KCNMA1: variants seen among roughly 807,000 people sequenced by gnomAD.
KCNMA1 encodes potassium calcium-activated channel subfamily M alpha 1, also known as Calcium-activated potassium channel subunit alpha-1.
In KCNMA1, 29 loss-of-function variants were observed where a neutral mutation model predicts 140.0. That is an observed-to-expected ratio of 0.21 (90% CI 0.15 to 0.28). The LOEUF (loss-of-function observed/expected upper bound fraction) is 0.28, where lower values mean the gene tolerates loss of function less well. Ranked by LOEUF, KCNMA1 falls within the 10% of genes least tolerant of loss-of-function variation. The pLI, the probability that KCNMA1 is intolerant of heterozygous loss-of-function variation, is 1.00. For missense variants in KCNMA1, 880 were observed against 1,602.2 expected (o/e 0.55, Z 7.70); for synonymous variants, 612 against 611.9 (o/e 1.00, Z 0.00).
At chr10:76,967,085 C>T (rs78784009) in intron 20 of KCNMA1, among the ~76,000 whole-genome samples, 313 of 152,290 alleles carry the variant, frequency 2.1e-3, no homozygotes, top group Non-Finnish European at 3.0e-3. Context: ...GGAGCCTTCA[C>T]GCAGGAGTCT....
chr10:77,112,381 C>T lies in KCNMA1; in HGVS notation c.946G>A (p.Gly316Arg), dbSNP rs775936663. 2 of 1,613,488 alleles carry T rather than the reference C, an allele frequency of 1.2e-6. No individual in the cohort carries two copies. Among genetic ancestry groups the T allele is most frequent in the Non-Finnish European group, 8.5e-7 (1 of 1,179,430 alleles). The change falls in exon 7 of 28, where the codon GGG (glycine) becomes AGG (arginine). Residue 316 changes from glycine to arginine, a missense_variant. Transcript: ENST00000286628. ...IFISTWLTAA[G>R]FIHLVENSGD... ...AGGTTACTCACCAAATGGATGAACC[C>T]GGCTGCAGTCAGCCACGTGCTGATA...
At chr10:77,273,098 T>C (rs912387834) in intron 2 of KCNMA1, among the ~76,000 whole-genome samples, 2 of 152,224 alleles carry the variant, frequency 1.3e-5, no homozygotes, top group Non-Finnish European at 2.9e-5. Flanking sequence ...CCTATAGCAC[T>C]TACTTTTTGT....
chr10:77,046,022 A>G (rs941982870), intron 14 of KCNMA1, among the ~76,000 whole-genome samples: 2 of 152,254 alleles, frequency 1.3e-5, no homozygotes, highest in African/African-American at 4.8e-5. Context: ...GAAATTATAA[A>G]AACCAATGAC....
chr10:77,179,851 G>A (rs1443307959), intron 5 of KCNMA1, among the ~76,000 whole-genome samples: 1 of 152,156 alleles, frequency 6.6e-6, no homozygotes, highest in East Asian at 1.9e-4. Context: ...GTCTGTGAGG[G>A]GCTTTCCAGA....
intron 1 of KCNMA1, among the ~76,000 whole-genome samples, chr10:77,633,577 C>T (rs932725650): frequency 3.3e-5 from 5 of 152,318 alleles, no homozygotes; most frequent in Admixed American, 1.3e-4. Context: ...TGATTGACTG[C>T]GTCAGGCCAG....
At chr10:77,229,129 C>A (rs546924340) in intron 3 of KCNMA1, among the ~76,000 whole-genome samples, 4 of 148,074 alleles carry the variant, frequency 2.7e-5, no homozygotes, top group Non-Finnish European at 5.9e-5. Flanking sequence ...ATGACTACTT[C>A]AAGTCCACCC....
intron 19 of KCNMA1, chr10:76,974,502 G>A (rs887771536): frequency 9.7e-6 from 15 of 1,547,028 alleles, no homozygotes; most frequent in Non-Finnish European, 1.3e-5. Flanking sequence ...TCGGTCACAA[G>A]CCGAGAATTG....
intron 1 of KCNMA1, among the ~76,000 whole-genome samples, chr10:77,529,463 C>T (rs1309599187): frequency 3.3e-5 from 5 of 152,222 alleles, no homozygotes; most frequent in African/African-American, 9.6e-5. Context: ...CCGGCACCTA[C>T]CCTTTGTCAA....
rs189672072 is a variant in KCNMA1, at chr10:77,599,628, C to T, written c.378+37637G>A. ...TCTGTCTTCAGATTAAGTAAGTTCC[C>T]ACTGCGCAGAGTTGACGATGTGTGA... On this transcript the variant is annotated intron_variant, in intron 1 of 27. Transcript: ENST00000286628. Among the ~76,000 whole-genome samples, 465 of 152,318 alleles carry T rather than the reference C, an allele frequency of 3.1e-3. 4 individuals are homozygous for T. The highest frequency in any genetic ancestry group is 5.1e-3 in the Admixed American group (78 of 15,300).
intron 2 of KCNMA1, among the ~76,000 whole-genome samples, chr10:77,298,952 T>G (rs1340817357): frequency 4.6e-5 from 7 of 152,208 alleles, no homozygotes; most frequent in African/African-American, 7.2e-5. Context: ...GAGCATCAGA[T>G]GGGCCTCTCT....
At chr10:76,906,540 T>C (rs888327398) in intron 25 of KCNMA1, among the ~76,000 whole-genome samples, 4 of 152,170 alleles carry the variant, frequency 2.6e-5, no homozygotes, top group Admixed American at 2.0e-4. Context: ...TGAAGGACAA[T>C]ATTCAGAGAA....
At chr10:77,503,672 C>T (rs970079675) in intron 1 of KCNMA1, among the ~76,000 whole-genome samples, 2 of 152,180 alleles carry the variant, frequency 1.3e-5, no homozygotes, top group Admixed American at 1.3e-4. Context: ...ACATACTAAG[C>T]ACCTGTTCCA....
At chr10:77,315,556 A>G (rs537278844) in intron 2 of KCNMA1, 5 of 152,312 alleles carry the variant, frequency 3.3e-5, no homozygotes, top group Non-Finnish European at 7.4e-5. Context: ...GTCTTTGGAG[A>G]ACCAACCTAA....
chr10:76,931,057 G>C lies in KCNMA1; in HGVS notation c.2902+13716C>G, dbSNP rs183748281. ...TGCCATTATAGGATGAATAAATTCT[G>C]GGGCTGTAATGTAAAGTGTGGTGAC... On this transcript the variant is annotated intron_variant, in intron 23 of 27. Transcript: ENST00000286628. 2.9e-3 allele frequency among the ~76,000 whole-genome samples: 444 copies of C among 152,226 alleles called. 4 individuals are homozygous for C. Among genetic ancestry groups the C allele is most frequent in the Non-Finnish European group, 4.0e-3 (273 of 68,002 alleles).
At chr10:77,148,019 T>G (rs1276209051) in intron 5 of KCNMA1, among the ~76,000 whole-genome samples, 2 of 151,964 alleles carry the variant, frequency 1.3e-5, no homozygotes, top group Non-Finnish European at 2.9e-5. Context: ...GCACAACATG[T>G]AAGGAGGTGC....
chr10:77,262,505 G>A (rs1284422823), intron 2 of KCNMA1, among the ~76,000 whole-genome samples: 2 of 152,058 alleles, frequency 1.3e-5, no homozygotes, highest in African/African-American at 4.8e-5. Flanking sequence ...TGGTTTGGAT[G>A]TCTTCCCTCC....
chr10:77,366,332 C>A (rs2094358907), intron 2 of KCNMA1, among the ~76,000 whole-genome samples: 1 of 152,096 alleles, frequency 6.6e-6, no homozygotes, highest in African/African-American at 2.4e-5. Flanking sequence ...CCATGCCCAG[C>A]TAATTTTTGT....
At chr10:77,292,171 G>A (rs1293636166) in intron 2 of KCNMA1, among the ~76,000 whole-genome samples, 1 of 152,190 alleles carries the variant, frequency 6.6e-6, no homozygotes, top group Non-Finnish European at 1.5e-5. Flanking sequence ...GGGCAGCAGA[G>A]ATAGAAGGCA....
chr10:77,300,527 A>G (rs1014370808), intron 2 of KCNMA1, among the ~76,000 whole-genome samples: 7 of 152,222 alleles, frequency 4.6e-5, no homozygotes, highest in Admixed American at 4.6e-4. Flanking sequence ...GATTTGTGAA[A>G]CTGAGATCTT....
Sources: gnomAD v4.1 joint callset for allele counts (sites outside exome capture counted in the v4.1 genomes callset) on GRCh38, gnomAD v4.1.1 for gene constraint, MANE v1.5 for transcripts, NCBI Gene and HGNC (gene_info 2026-07-23, HGNC 2026-07-21) for gene names.